The following FMNL2 variants were observed in gnomAD, a reference collection of about 807,000 sequenced individuals.
FMNL2 encodes the protein formin like 2.
A neutral mutation model predicts 130.2 loss-of-function variants in FMNL2; 51 were observed. The ratio of observed to expected loss-of-function variants is 0.39; its 90% confidence interval spans 0.31 to 0.49. The LOEUF (loss-of-function observed/expected upper bound fraction) is 0.49, where lower values mean the gene tolerates loss of function less well. FMNL2 is among the 20% of genes least tolerant of loss of function. FMNL2 has a pLI of 0.85. For synonymous variants in FMNL2, 465 were observed against 467.1 expected (o/e 1.00, Z 0.06); for missense variants, 977 against 1,316.2 (o/e 0.74, Z 3.99).
chr2:152,581,937 C>T (rs1696810372), intron 9 of FMNL2, among the ~76,000 whole-genome samples: 1 of 152,170 alleles, frequency 6.6e-6, no homozygotes, highest in African/African-American at 2.4e-5. Flanking sequence ...ACTGTTTTCT[C>T]TCCTCTTTCC....
At position 152,546,341 on chromosome 2, in the gene FMNL2, G is replaced by T. The variant is rs544628907; in HGVS notation, c.283-2680G>T. On this transcript the variant is annotated intron_variant, in intron 3 of 25. Coordinates refer to ENST00000288670, the MANE Select transcript of FMNL2 (RefSeq NM_052905.4). ...GGGCCTCGGGGTTTACAATCATGGC[G>T]GAAGGCTAAGGGGGAGCGGGTGTGT... Among the ~76,000 whole-genome samples, 164 of 152,198 alleles carry T rather than the reference G, an allele frequency of 1.1e-3. 2 individuals carry two copies. Among genetic ancestry groups the T allele is most frequent in the Admixed American group, 1.3e-4 (2 of 15,276 alleles).
At chr2:152,412,499 T>A (rs1396400077) in intron 1 of FMNL2, among the ~76,000 whole-genome samples, 10 of 86,714 alleles carry the variant, frequency 1.2e-4, no homozygotes, top group African/African-American at 2.9e-4. Context: ...TATATATATA[T>A]ATAAATTAGA....
At chr2:152,461,987 C>T (rs1689275394) in intron 1 of FMNL2, among the ~76,000 whole-genome samples, 1 of 151,976 alleles carries the variant, frequency 6.6e-6, no homozygotes, top group Admixed American at 6.6e-5. Flanking sequence ...CCTCAACTTC[C>T]AAGTCTCAAG....
chr2:152,430,759 G>A (rs1687450948), intron 1 of FMNL2, among the ~76,000 whole-genome samples: 1 of 152,140 alleles, frequency 6.6e-6, no homozygotes. Context: ...TGTAGTCCCA[G>A]ATACTGGGGA....
chr2:152,579,067 C>G, intron 8 of FMNL2, 103 bp downstream of exon 8: 2 of 917,116 alleles, frequency 2.2e-6, no homozygotes, highest in South Asian at 3.2e-5. Context: ...AAGTGTTAAT[C>G]TCTGAAATAA....
intron 1 of FMNL2, among the ~76,000 whole-genome samples, chr2:152,516,169 A>T (rs1253824089): frequency 6.6e-6 from 1 of 152,116 alleles, no homozygotes; most frequent in Non-Finnish European, 1.5e-5. Context: ...TTGTTGTTTG[A>T]TGGGTACAGA....
chr2:152,404,716 T>C (rs1175090157), intron 1 of FMNL2, among the ~76,000 whole-genome samples: 1 of 152,168 alleles, frequency 6.6e-6, no homozygotes, highest in African/African-American at 2.4e-5. Context: ...CGGATCCTTA[T>C]TTGCATCATT....
At chr2:152,586,367 C>T (rs1229817698) in intron 9 of FMNL2, among the ~76,000 whole-genome samples, 3 of 152,166 alleles carry the variant, frequency 2.0e-5, no homozygotes, top group Admixed American at 6.5e-5. Flanking sequence ...TGAAGGCACT[C>T]GTGCTACACA....
chr2:152,483,938 T>C (rs1347327841), intron 1 of FMNL2, among the ~76,000 whole-genome samples: 1 of 152,208 alleles, frequency 6.6e-6, no homozygotes, highest in Non-Finnish European at 1.5e-5. Flanking sequence ...GGAATGCAGT[T>C]TGCTTGAGCA....
intron 2 of FMNL2, among the ~76,000 whole-genome samples, chr2:152,538,772 A>C (rs1436770857): frequency 6.6e-6 from 1 of 152,206 alleles, no homozygotes; most frequent in Non-Finnish European, 1.5e-5. Context: ...TAATATCTAA[A>C]GGAACCACTG....
At chr2:152,409,219 C>G (rs1686157064) in intron 1 of FMNL2, among the ~76,000 whole-genome samples, 1 of 152,168 alleles carries the variant, frequency 6.6e-6, no homozygotes, top group South Asian at 2.1e-4. Flanking sequence ...TCAAATCCGA[C>G]TGCCACATTC....
intron 1 of FMNL2, among the ~76,000 whole-genome samples, chr2:152,393,888 C>T (rs1685251358): frequency 1.3e-5 from 2 of 152,132 alleles, no homozygotes; most frequent in Non-Finnish European, 2.9e-5. Context: ...CATATGGACG[C>T]TGAGATGTGA....
At chr2:152,579,862 G>T (rs1696684054) in intron 8 of FMNL2, among the ~76,000 whole-genome samples, 1 of 152,138 alleles carries the variant, frequency 6.6e-6, no homozygotes, top group African/African-American at 2.4e-5. Flanking sequence ...TTTCCATTTT[G>T]GTGAAGTATT....
chr2:152,603,240 T>C (rs1015304388), intron 9 of FMNL2, among the ~76,000 whole-genome samples: 9 of 152,168 alleles, frequency 5.9e-5, no homozygotes, highest in African/African-American at 2.2e-4. Flanking sequence ...GGTGGAGCTG[T>C]GGTAGTAGGG....
intron 9 of FMNL2, among the ~76,000 whole-genome samples, chr2:152,581,549 G>T (rs1696780593): frequency 6.6e-6 from 1 of 152,216 alleles, no homozygotes; most frequent in Non-Finnish European, 1.5e-5. Flanking sequence ...AACGGAGACT[G>T]TCTGACCACA....
chr2:152,381,810 C>CTTTTTTTTTTTTTT (rs3047878), intron 1 of FMNL2, among the ~76,000 whole-genome samples: 1 of 149,916 alleles, frequency 6.7e-6, no homozygotes, highest in Non-Finnish European at 1.5e-5. Flanking sequence ...CAAAGCAGAA[C>CTTTTTTTTTTTTTT]TTTTTTTTTT....
At chr2:152,521,236 T>C (rs2105399497) in intron 1 of FMNL2, among the ~76,000 whole-genome samples, 1 of 152,316 alleles carries the variant, frequency 6.6e-6, no homozygotes, top group East Asian at 1.9e-4. Flanking sequence ...TGAAAGTACC[T>C]GGGAAAAAAT....
intron 1 of FMNL2, among the ~76,000 whole-genome samples, chr2:152,377,596 G>A (rs550952373): frequency 1.6e-3 from 245 of 152,248 alleles, no homozygotes; most frequent in African/African-American, 5.7e-3. Context: ...CTACTCCATT[G>A]GACAGTATAT....
At chr2:152,528,646 T>C (rs948470712) in intron 2 of FMNL2, among the ~76,000 whole-genome samples, 1 of 152,158 alleles carries the variant, frequency 6.6e-6, no homozygotes, top group African/African-American at 2.4e-5. Context: ...GCAAACACCC[T>C]TTTTTCCACA....
Sources: gnomAD v4.1 joint callset for allele counts (sites outside exome capture counted in the v4.1 genomes callset) on GRCh38, gnomAD v4.1.1 for gene constraint, MANE v1.5 for transcripts, NCBI Gene and HGNC (gene_info 2026-07-23, HGNC 2026-07-21) for gene names.